Variants in NRXN1 observed in about 807,000 individuals in gnomAD.
NRXN1 encodes the protein neurexin 1.
In NRXN1, 39 loss-of-function variants were observed where a neutral mutation model predicts 150.9. The observed-to-expected ratio is 0.26, with a 90% CI of 0.20 to 0.34. NRXN1 has a LOEUF of 0.34. Among genes scored for constraint, NRXN1 ranks in the 10% least tolerant of loss-of-function variants. The probability of loss-of-function intolerance (pLI) is 1.00; values close to 1 mark genes in which losing one functional copy is unlikely to be tolerated. For synonymous variants in NRXN1, 924 were observed against 757.0 expected (o/e 1.22, Z -3.62); for missense variants, 1,815 against 1,949.9 (o/e 0.93, Z 1.30).
chr2:50,514,549 CA>C (rs1438988357), intron 12 of NRXN1, among the ~76,000 whole-genome samples: 1 of 152,140 alleles, frequency 6.6e-6, no homozygotes, highest in Non-Finnish European at 1.5e-5. Context: ...GGTCAGAAGT[CA>C]AAACACTTTT....
At chr2:50,335,696 G>T (rs997995073) in intron 17 of NRXN1, among the ~76,000 whole-genome samples, 2 of 152,116 alleles carry the variant, frequency 1.3e-5, no homozygotes, top group African/African-American at 4.8e-5. Context: ...CAAATTGTTG[G>T]GTTACTACAC....
intron 17 of NRXN1, among the ~76,000 whole-genome samples, chr2:50,335,506 A>G (rs925573407): frequency 6.6e-6 from 1 of 152,150 alleles, no homozygotes; most frequent in African/African-American, 2.4e-5. Context: ...TTTCCTCGTC[A>G]TCTTTACCCT....
At chr2:50,548,596 A>T (rs2093546077) in intron 9 of NRXN1, among the ~76,000 whole-genome samples, 1 of 152,014 alleles carries the variant, frequency 6.6e-6, no homozygotes, top group Non-Finnish European at 1.5e-5. Flanking sequence ...CATGTTTTTA[A>T]TCTTTAGTTT....
Position 50,346,284 on chromosome 2 carries a change from A to C in NRXN1, c.3365-109314T>G, listed in dbSNP as rs1266517464. On this transcript the variant is annotated intron_variant, in intron 17 of 22. Transcript: ENST00000401669. The surrounding 1 kb of genome is among the most constrained non-coding windows in gnomAD (Gnocchi z 5.0). ...CAGGAGGTGGGGCAGCATATACAGCACAGACAAAAGGTTCTGCAGAGCCCT... is the reference window on the plus strand; with the variant it reads ...CAGGAGGTGGGGCAGCATATACAGCCCAGACAAAAGGTTCTGCAGAGCCCT... 6.6e-6 allele frequency among the ~76,000 whole-genome samples: 1 copy of C among 152,120 alleles called. No homozygotes were observed.
chr2:50,026,859 CTT>C (rs57580154), intron 21 of NRXN1, among the ~76,000 whole-genome samples: 3 of 65,240 alleles, frequency 4.6e-5, no homozygotes, highest in Admixed American at 2.4e-4. Flanking sequence ...CTTTTCTTTT[CTT>C]TTTTTTTTTT....
chr2:50,010,332 C>A (rs1685453100), intron 21 of NRXN1, among the ~76,000 whole-genome samples: 1 of 152,106 alleles, frequency 6.6e-6, no homozygotes, highest in African/African-American at 2.4e-5. Flanking sequence ...CCAAAGATTT[C>A]TTTTGAATGT....
Position 50,620,119 on chromosome 2 carries a change from A to C in NRXN1, c.1223T>G (p.Leu408Arg). 1 of 1,613,556 alleles carries C rather than the reference A, an allele frequency of 6.2e-7. No homozygotes were observed. The change falls in exon 8 of 23, where the codon CTG (leucine) becomes CGG (arginine). Residue 408 changes from leucine (L) to arginine (R), a missense_variant. By Grantham distance (102) the Leu-to-Arg change is moderately radical. This residue lies in a region of NRXN1 where 638 missense variants were observed against 652.6 expected (regional missense o/e 0.98). Transcript: ENST00000401669. ...TGYTQEDYTM[L>R]GSDDFFYVGG... The stretch of plus-strand genomic sequence containing the variant: ...AACATAGAAAAAGTCATCAGACCCC[A>C]GCATGGTATAATCTTCTTGCGTGTA...
intron 17 of NRXN1, among the ~76,000 whole-genome samples, chr2:50,375,867 A>C (rs1213268228): frequency 1.3e-5 from 2 of 152,020 alleles, no homozygotes; most frequent in Non-Finnish European, 2.9e-5. Context: ...AAGTTTTTGG[A>C]AAAAACAATT....
chr2:50,744,136 TA>T (rs1352104920), intron 5 of NRXN1, among the ~76,000 whole-genome samples: 1 of 152,102 alleles, frequency 6.6e-6, no homozygotes, highest in Non-Finnish European at 1.5e-5. Flanking sequence ...TTATTACTTG[TA>T]AAATATAAGC....
intron 5 of NRXN1, among the ~76,000 whole-genome samples, chr2:50,853,591 A>G (rs1339918129): frequency 6.6e-6 from 1 of 152,168 alleles, no homozygotes; most frequent in Non-Finnish European, 1.5e-5. Context: ...AAATAAAGCT[A>G]GAACACAAAT....
chr2:49,925,966 T>C (rs568120771), intron 22 of NRXN1, among the ~76,000 whole-genome samples: 1 of 152,204 alleles, frequency 6.6e-6, no homozygotes, highest in South Asian at 2.1e-4. Context: ...TAAGCCGATG[T>C]AGCCAGTTCA....
intron 18 of NRXN1, among the ~76,000 whole-genome samples, chr2:50,181,929 G>C (rs1476093260): frequency 2.6e-5 from 4 of 151,486 alleles, no homozygotes; most frequent in African/African-American, 7.3e-5. Flanking sequence ...GATAAAGATA[G>C]TTTTTAAAAA....
At position 49,922,177 on chromosome 2, in the gene NRXN1, T is replaced by C. The variant is rs1368001098; in HGVS notation, c.4291A>G (p.Thr1431Ala). ...GCTACTATCCCAACGACCATACCCG[T>C]GGTGCTGCTGGACTCCCGGATCACT... is the stretch of plus-strand genomic sequence containing the variant. ...AEVIRESSST[T>A]GMVVGIVAAA... Residue 1431 changes from threonine to alanine, a missense_variant, in exon 23 of 23, where the codon ACG becomes GCG. Physicochemically the swap from Thr to Ala is moderately conservative, Grantham distance 58 (BLOSUM62 0). This residue lies in a region of NRXN1 where 265 missense variants were observed against 307.1 expected (regional missense o/e 0.86). Coordinates refer to ENST00000401669, the MANE Select transcript of NRXN1 (RefSeq NM_001330078.2). The C allele has an allele frequency of 6.2e-7, 1 of 1,614,130 alleles. No individual in the cohort carries two copies. Among genetic ancestry groups the C allele is most frequent in the South Asian group, 1.1e-5 (1 of 91,084 alleles).
chr2:50,109,240 T>C (rs1702059991), intron 18 of NRXN1, among the ~76,000 whole-genome samples: 1 of 152,176 alleles, frequency 6.6e-6, no homozygotes. Context: ...TCTAACTATA[T>C]TTGTAATCTT....
At chr2:50,648,536 C>T (rs902594704) in intron 5 of NRXN1, among the ~76,000 whole-genome samples, 1 of 151,940 alleles carries the variant, frequency 6.6e-6, no homozygotes, top group Non-Finnish European at 1.5e-5. Flanking sequence ...TGAGAGACTA[C>T]AAGACAGAAG....
At chr2:50,816,226 G>A (rs556936127) in intron 5 of NRXN1, among the ~76,000 whole-genome samples, 1 of 152,092 alleles carries the variant, frequency 6.6e-6, no homozygotes, top group Non-Finnish European at 1.5e-5. Context: ...TATCTATTAT[G>A]CCCCATTGAT....
chr2:50,337,485 T>A (rs981884808), intron 17 of NRXN1, among the ~76,000 whole-genome samples: 12 of 152,202 alleles, frequency 7.9e-5, no homozygotes, highest in African/African-American at 2.9e-4. Flanking sequence ...TGTGCCTCAA[T>A]ATCCTTATGG....
chr2:50,149,568 T>G (rs1318991837), intron 18 of NRXN1, among the ~76,000 whole-genome samples: 2 of 151,760 alleles, frequency 1.3e-5, no homozygotes, highest in Non-Finnish European at 2.9e-5. Flanking sequence ...CTAGTGCTCC[T>G]GGGCTCCCAT....
chr2:50,075,922 G>A lies in NRXN1; in HGVS notation c.3718+15401C>T, dbSNP rs569728596. 8.5e-5 allele frequency among the ~76,000 whole-genome samples: 13 copies of A among 152,184 alleles called. No homozygotes were observed. The South Asian group carries it at 1.7e-3, about 19-fold the overall frequency. ...CCGCTGGGACTCTGGGGCAGCACCC[G>A]AGCTGTCTAACTCTACACAGTGCCC... On this transcript the variant is annotated intron_variant, in intron 19 of 22. Coordinates refer to ENST00000401669, the MANE Select transcript of NRXN1 (RefSeq NM_001330078.2).
Sources: allele counts gnomAD v4.1 joint callset (sites outside exome capture counted in the v4.1 genomes callset), GRCh38; gene constraint gnomAD v4.1.1; regional missense constraint gnomAD v4.1.1; non-coding constraint Gnocchi (gnomAD v3.1); transcripts MANE v1.5; gene names NCBI Gene and HGNC (gene_info 2026-07-23, HGNC 2026-07-21).